Variants in CHFR observed in about 807,000 individuals in gnomAD.
CHFR encodes the protein E3 ubiquitin-protein ligase CHFR.
Under a neutral mutation model 87.6 loss-of-function variants are expected in CHFR, and 57 were observed. The ratio of observed to expected loss-of-function variants is 0.65; its 90% CI spans 0.53 to 0.81. The LOEUF (loss-of-function observed/expected upper bound fraction) is 0.81, where lower values mean the gene tolerates loss of function less well. Ranked by LOEUF, CHFR falls within the 30% of genes least tolerant of loss-of-function variation. The probability of loss-of-function intolerance (pLI) is 0.00; values close to 1 mark genes in which losing one functional copy is unlikely to be tolerated. For synonymous variants in CHFR, 381 were observed against 359.2 expected (o/e 1.06, Z -0.69); for missense variants, 797 against 865.8 (o/e 0.92, Z 1.00).
chr12:132,881,466 G>A (rs143823887), intron 2 of CHFR, among the ~76,000 whole-genome samples: 47 of 152,254 alleles, frequency 3.1e-4, no homozygotes, highest in Middle Eastern at 3.4e-3. Context: ...GAAGAGATAT[G>A]GATGGCAAAT....
intron 6 of CHFR, among the ~76,000 whole-genome samples, chr12:132,863,739 AAAAC>A (rs1446931170): frequency 6.6e-6 from 1 of 152,152 alleles, no homozygotes; most frequent in Non-Finnish European, 1.5e-5. Flanking sequence ...CCTTGGCAGA[AAAAC>A]AGGCAGACTT....
chr12:132,869,301 A>G (rs1951431971), intron 6 of CHFR, among the ~76,000 whole-genome samples: 2 of 151,988 alleles, frequency 1.3e-5, no homozygotes, highest in South Asian at 4.1e-4. Context: ...TTTCGTGTCA[A>G]TGAGTGGTGA....
chr12:132,870,864 C>A, intron 4 of CHFR, 81 bp from the exon 5 acceptor site: 1 of 814,198 alleles, frequency 1.2e-6, no homozygotes, highest in South Asian at 1.6e-5. Flanking sequence ...GTTCTCCAGT[C>A]CATTTGTTTT....
rs1950664782 is a variant in CHFR at position 132,838,520 on chromosome 12, C to CA, written c.*3033dup. On this transcript the variant is annotated 3_prime_UTR_variant, in exon 18 of 18. Coordinates refer to ENST00000450056, the MANE Select transcript of CHFR (RefSeq NM_001161346.2). ...CGCTTCTGAGGGGCACCAGGGAGCACAGAGGGAGCCGCAGATGAGGAGTGC... is the reference window on the plus strand; with the variant it reads ...CGCTTCTGAGGGGCACCAGGGAGCACAAGAGGGAGCCGCAGATGAGGAGTGC... 2 of 152,596 alleles carry CA rather than the reference C, an allele frequency of 1.3e-5. No individual in the cohort carries two copies. The highest frequency in any genetic ancestry group is 6.5e-5 in the Admixed American group (1 of 15,272). The allele number at this position is 152,596 out of a possible 1,614,324, so 9.5% of individuals were successfully genotyped here.
At chr12:132,854,737 C>G (rs1183947297) in intron 10 of CHFR, 1 of 151,994 alleles carries the variant, frequency 6.6e-6, no homozygotes. Context: ...ACTCGGGAGG[C>G]GGAGCTTGCA....
intron 3 of CHFR, among the ~76,000 whole-genome samples, chr12:132,872,846 G>A (rs182337416): frequency 3.4e-4 from 52 of 152,296 alleles, no homozygotes; most frequent in Non-Finnish European, 4.4e-4. Flanking sequence ...GGGCAGAAGC[G>A]GACTAAATGC....
intron 2 of CHFR, among the ~76,000 whole-genome samples, chr12:132,884,931 G>A (rs1308967614): frequency 2.6e-5 from 4 of 151,456 alleles, no homozygotes; most frequent in African/African-American, 9.7e-5. Context: ...TACTAAAATA[G>A]AAAAAAATAA....
chr12:132,856,518 T>C lies in CHFR; in HGVS notation c.1179A>G (p.Ser393=). The C allele has an allele frequency of 6.2e-7, 1 of 1,614,232 alleles. No homozygotes were observed. Among genetic ancestry groups the C allele is most frequent in the South Asian group, 1.1e-5 (1 of 91,088 alleles). ...CGTCTGACAGCTCCAGCAGGTCCTC[T>C]GAACTCCCTTCTTCATCAGAAAAAG... ...RRSFSDEEGS[S]EDLLELSDVD... The change falls in exon 10 of 18, where the codon TCA becomes TCG. Residue 393 remains serine (S), a synonymous_variant. Coordinates refer to ENST00000450056, the MANE Select transcript of CHFR (RefSeq NM_001161346.2).
Position 132,836,661 on chromosome 12 carries a change from G to A in CHFR, c.*4893C>T, listed in dbSNP as rs1400210605. ...CTTCCACAGACATGCACGACCAAGT[G>A]TCTGCTCTGTGTGAGGAACTTTAAG... is the stretch of plus-strand genomic sequence containing the variant. On this transcript the variant is annotated 3_prime_UTR_variant, in exon 18 of 18. Transcript: ENST00000450056. 4 of 456,122 alleles carry A rather than the reference G, an allele frequency of 8.8e-6. No individual in the cohort carries two copies. The East Asian group carries it at 2.8e-4, about 32-fold the overall frequency. 28.3% of individuals were successfully genotyped at this position (456,122 alleles called of 1,614,324 possible). A position where few individuals can be genotyped will look rare whatever the true frequency, so the allele number is the denominator to read the frequency against.
In CHFR at chr12:132,861,910, C is replaced by T. The variant is rs72624275; in HGVS notation, c.584-276G>A. 1,354 of 415,494 alleles carry T rather than the reference C, an allele frequency of 3.3e-3. 25 individuals carry two copies. In the East Asian group the frequency reaches 0.049, roughly 15 times the overall value. 25.7% of individuals were successfully genotyped at this position (415,494 alleles called of 1,614,324 possible). A position where few individuals can be genotyped will look rare whatever the true frequency, so the allele number is the denominator to read the frequency against. On this transcript the variant is annotated intron_variant, in intron 6 of 17. Transcript: ENST00000450056. ...GTGACCAGGCTTAGCCCTCGAGCAC[C>T]GAGTCTAACGCAGGGCAAACCCACA... is the stretch of plus-strand genomic sequence containing the variant.
intron 16 of CHFR, 81 bp from the exon 17 acceptor site, chr12:132,843,164 A>G (rs768997337): frequency 9.1e-5 from 115 of 1,269,104 alleles, no homozygotes; most frequent in Admixed American, 2.5e-4. Flanking sequence ...CAGAGACCCA[A>G]CGACAGACGC....
chr12:132,843,183 A>G (rs1355007425), intron 16 of CHFR, 100 bp from the exon 17 acceptor site: 30 of 1,021,410 alleles, frequency 2.9e-5, no homozygotes, highest in Non-Finnish European at 4.4e-5. Context: ...GCTGCGGTGG[A>G]AACGCACGGC....
chr12:132,877,241 C>T (rs1015868698), intron 3 of CHFR, among the ~76,000 whole-genome samples: 2 of 152,130 alleles, frequency 1.3e-5, no homozygotes, highest in East Asian at 1.9e-4. Context: ...TACAGTAGCA[C>T]GCTGTATAGG....
intron 13 of CHFR, 188 bp from the exon 14 acceptor site, chr12:132,848,343 A>G (rs1385404689): frequency 7.2e-6 from 8 of 1,111,516 alleles, no homozygotes; most frequent in African/African-American, 3.1e-5. Flanking sequence ...CCCTCCTTAA[A>G]AAGATCAGCT....
At chr12:132,883,485 G>A (rs911715096) in intron 2 of CHFR, among the ~76,000 whole-genome samples, 1 of 151,662 alleles carries the variant, frequency 6.6e-6, no homozygotes, top group African/African-American at 2.4e-5. Context: ...CAGCACTTTG[G>A]GAGGCCGAGG....
In CHFR at chr12:132,877,535, G is replaced by A. The variant is rs1391109193; in HGVS notation, c.233+20C>T. The A allele has an allele frequency of 1.3e-6, 2 of 1,538,032 alleles. No homozygotes were observed. Among genetic ancestry groups the A allele is most frequent in the Non-Finnish European group, 1.8e-6 (2 of 1,121,808 alleles). ...TAAGCTACAAGAAGAAACACCAAAA[G>A]AAGCTCAGAACATACTCACCTGGTA... is the stretch of plus-strand genomic sequence containing the variant. On this transcript the variant is annotated intron_variant, in intron 3 of 17. Coordinates refer to ENST00000450056, the MANE Select transcript of CHFR (RefSeq NM_001161346.2).
At position 132,887,242 on chromosome 12, in the gene CHFR, C is replaced by T. The variant is rs889736424; in HGVS notation, c.87G>A (p.Pro29=). 6.7e-7 allele frequency: 1 copy of T among 1,503,716 alleles called. No homozygotes were observed. Among genetic ancestry groups the T allele is most frequent in the Non-Finnish European group, 8.8e-7 (1 of 1,133,010 alleles). The allele number at this position is 1,503,716 out of a possible 1,614,324, so 93.1% of individuals were successfully genotyped here. The change falls in exon 2 of 18, where the codon CCG becomes CCA. Residue 29 remains proline, a synonymous_variant. Transcript: ENST00000450056. ...LLRLGAEEGE[P]HVLLRKREWT... is the part of the protein sequence containing the mutation. ...ACTCCCGCTTCCTCAGGAGGACGTG[C>T]GGCTCGCCCTCCTCCGCGCCCAGAC...
intron 3 of CHFR, among the ~76,000 whole-genome samples, chr12:132,876,579 T>C (rs753130507): frequency 6.6e-6 from 1 of 152,164 alleles, no homozygotes; most frequent in Non-Finnish European, 1.5e-5. Context: ...GATTTTTTGA[T>C]TTGAGGGAAA....
intron 3 of CHFR, among the ~76,000 whole-genome samples, chr12:132,873,762 T>C (rs1230502411): frequency 1.3e-5 from 2 of 152,188 alleles, no homozygotes; most frequent in East Asian, 1.9e-4. Context: ...CTTGGGTGCA[T>C]GCAGGGGGCT....
Sources: gnomAD v4.1 joint callset for allele counts (sites outside exome capture counted in the v4.1 genomes callset) on GRCh38, gnomAD v4.1.1 for gene constraint, MANE v1.5 for transcripts, NCBI Gene and HGNC (gene_info 2026-07-23, HGNC 2026-07-21) for gene names.